The following ITGA9 variants were observed in gnomAD, a reference collection of about 807,000 sequenced individuals.
ITGA9 encodes the protein integrin alpha-9.
A neutral mutation model predicts 127.8 loss-of-function variants in ITGA9; 56 were observed. The observed-to-expected ratio is 0.44, with a 90% CI of 0.35 to 0.55. The LOEUF (loss-of-function observed/expected upper bound fraction) is 0.55, where lower values mean the gene tolerates loss of function less well. Among genes scored for constraint, ITGA9 ranks in the 20% least tolerant of loss-of-function variants. The pLI is 0.00. For missense variants in ITGA9, 1,196 were observed against 1,347.1 expected (o/e 0.89, Z 1.76); for synonymous variants, 508 against 514.5 (o/e 0.99, Z 0.17).
intron 15 of ITGA9, among the ~76,000 whole-genome samples, chr3:37,553,136 ATTTTCTATCT>A (rs1164010317): frequency 1.3e-5 from 2 of 152,106 alleles, no homozygotes; most frequent in African/African-American, 4.8e-5. Context: ...TTGCTTTGTA[ATTTTCTATCT>A]ATTCGTACTT....
Position 37,668,298 on chromosome 3 carries a change from C to T in ITGA9, c.1916+14508C>T, listed in dbSNP as rs569427398. On this transcript the variant is annotated intron_variant, in intron 17 of 27. Coordinates refer to ENST00000264741, the MANE Select transcript of ITGA9 (RefSeq NM_002207.3). ...ATAGCGGCCTTCCTCCTGAGACACC[C>T]GGGAAGGCTGAGTCTACCTCACAGG... is the stretch of plus-strand genomic sequence containing the variant. Among the ~76,000 whole-genome samples, 29 of 152,290 alleles carry T rather than the reference C, an allele frequency of 1.9e-4. No individual in the cohort carries two copies. In the South Asian group the frequency reaches 2.3e-3, roughly 12 times the overall value.
intron 18 of ITGA9, among the ~76,000 whole-genome samples, chr3:37,697,817 C>T (rs535544326): frequency 5.3e-5 from 8 of 152,268 alleles, no homozygotes; most frequent in African/African-American, 1.7e-4. Flanking sequence ...TTCTTTATAG[C>T]AGCATGATTT....
At chr3:37,538,650 G>C (rs1345304837) in intron 14 of ITGA9, among the ~76,000 whole-genome samples, 1 of 152,206 alleles carries the variant, frequency 6.6e-6, no homozygotes, top group Non-Finnish European at 1.5e-5. Context: ...CTGCTTCCCA[G>C]ACATGTCCTC....
At chr3:37,779,578 T>C (rs1286996605) in intron 24 of ITGA9, among the ~76,000 whole-genome samples, 1 of 152,186 alleles carries the variant, frequency 6.6e-6, no homozygotes, top group Non-Finnish European at 1.5e-5. Context: ...TAAGAATGCT[T>C]TCAGAATGCA....
intron 17 of ITGA9, among the ~76,000 whole-genome samples, chr3:37,671,727 C>T (rs577833826): frequency 2.0e-5 from 3 of 152,218 alleles, no homozygotes; most frequent in South Asian, 2.1e-4. Flanking sequence ...AGGTGCGTTA[C>T]AGGGGTGCAC....
chr3:37,811,982 C>T (rs1697373882), intron 27 of ITGA9, among the ~76,000 whole-genome samples: 1 of 152,228 alleles, frequency 6.6e-6, no homozygotes, highest in Admixed American at 6.5e-5. Flanking sequence ...GAAAACAAAT[C>T]TGTGAAATGG....
At chr3:37,613,192 A>C (rs1294264005) in intron 15 of ITGA9, among the ~76,000 whole-genome samples, 6 of 149,518 alleles carry the variant, frequency 4.0e-5, no homozygotes, top group East Asian at 2.0e-4. Context: ...CAATTCCCAC[A>C]TATGAGTGAG....
chr3:37,553,611 GT>G (rs2125595922), intron 15 of ITGA9, among the ~76,000 whole-genome samples: 1 of 152,356 alleles, frequency 6.6e-6, no homozygotes, highest in Non-Finnish European at 1.5e-5. Flanking sequence ...GTTTTCCAAA[GT>G]TAGTTGCCAT....
chr3:37,492,022 C>G (rs1335062102), intron 4 of ITGA9, among the ~76,000 whole-genome samples: 1 of 152,208 alleles, frequency 6.6e-6, no homozygotes, highest in Non-Finnish European at 1.5e-5. Flanking sequence ...CACCCACTAA[C>G]TTTCCTAGAC....
At chr3:37,741,445 C>T (rs554682978) in intron 20 of ITGA9, among the ~76,000 whole-genome samples, 44 of 152,336 alleles carry the variant, frequency 2.9e-4, no homozygotes, top group Middle Eastern at 3.4e-3. Context: ...CCTTTATTGT[C>T]TCCTTTCCTT....
chr3:37,683,963 A>G lies in ITGA9; in HGVS notation c.2015A>G (p.Asn672Ser), dbSNP rs574855398. 10 of 1,614,068 alleles carry G rather than the reference A, an allele frequency of 6.2e-6. No individual in the cohort carries two copies. The highest frequency in any genetic ancestry group is 4.5e-5 in the East Asian group (2 of 44,882). ...CTCGGAGATGATGCCTATGATGCCAACGTGTCCTTCAATGTTTCCCGGGAG... is the reference window on the plus strand; with the variant it reads ...CTCGGAGATGATGCCTATGATGCCAGCGTGTCCTTCAATGTTTCCCGGGAG... The part of the protein sequence containing the change: ...SNLGDDAYDA[N>S]VSFNVSRELF... Residue 672 changes from asparagine (N) to serine (S), a missense_variant, in exon 18 of 28, where the codon AAC becomes AGC. Asn to Ser is a conservative substitution (Grantham distance 46). Coordinates refer to ENST00000264741, the MANE Select transcript of ITGA9 (RefSeq NM_002207.3).
chr3:37,617,033 A>C (rs1341601637), intron 15 of ITGA9, among the ~76,000 whole-genome samples: 1 of 152,216 alleles, frequency 6.6e-6, no homozygotes, highest in Non-Finnish European at 1.5e-5. Context: ...TTTGCTCATT[A>C]GTTGATGCAG....
chr3:37,759,100 C>CACAT (rs1491449724), intron 23 of ITGA9, among the ~76,000 whole-genome samples: 4 of 150,102 alleles, frequency 2.7e-5, no homozygotes, highest in East Asian at 3.9e-4. Flanking sequence ...CACACACACA[C>CACAT]ATATACCCAC....
chr3:37,546,191 C>T lies in ITGA9; in HGVS notation c.1689+3606C>T, dbSNP rs140920509. Among the ~76,000 whole-genome samples, 649 of 152,238 alleles carry T rather than the reference C, an allele frequency of 4.3e-3. 7 individuals carry two copies. Among genetic ancestry groups the T allele is most frequent in the African/African-American group, 0.015 (622 of 41,532 alleles). ...TGTAAAAATAAATATATTGAAGACA[C>T]AACAGTGTCCTAGAATTCTAGCTGG... On this transcript the variant is annotated intron_variant, in intron 15 of 27. Coordinates refer to ENST00000264741, the MANE Select transcript of ITGA9 (RefSeq NM_002207.3).
At chr3:37,496,606 A>T (rs1321009700) in intron 5 of ITGA9, among the ~76,000 whole-genome samples, 2 of 152,238 alleles carry the variant, frequency 1.3e-5, no homozygotes. Flanking sequence ...TGTAGCAGCC[A>T]GAACCACCTT....
intron 15 of ITGA9, among the ~76,000 whole-genome samples, chr3:37,557,460 C>T (rs910190846): frequency 1.3e-5 from 2 of 152,180 alleles, no homozygotes; most frequent in Non-Finnish European, 2.9e-5. Context: ...AGCAGCCATC[C>T]ATAGGTAGCC....
chr3:37,809,128 C>G (rs561044827), intron 27 of ITGA9, among the ~76,000 whole-genome samples: 9 of 147,728 alleles, frequency 6.1e-5, no homozygotes, highest in Non-Finnish European at 8.9e-5. Context: ...CTCTGTCACT[C>G]AGGCTGGAGT....
In ITGA9 at chr3:37,463,824, G is replaced by A. The variant is rs145402892; in HGVS notation, c.186-7183G>A. Among the ~76,000 whole-genome samples, 96 of 152,176 alleles carry A rather than the reference G, an allele frequency of 6.3e-4. 1 individual carries two copies. Among genetic ancestry groups the A allele is most frequent in the East Asian group, 3.1e-3 (16 of 5,180 alleles). ...CAGTCTGAATAAATTCCTGCCCAGC[G>A]CACCAGAAAAGGGAACAAGGTTCTA... On this transcript the variant is annotated intron_variant, in intron 1 of 27. Transcript: ENST00000264741.
At chr3:37,818,033 A>G (rs1304566755) in intron 27 of ITGA9, among the ~76,000 whole-genome samples, 2 of 151,998 alleles carry the variant, frequency 1.3e-5, no homozygotes, top group African/African-American at 4.8e-5. Context: ...ACGTGAGAGC[A>G]GTATTTATTA....
Sources: gnomAD v4.1 joint callset for allele counts (sites outside exome capture counted in the v4.1 genomes callset) on GRCh38, gnomAD v4.1.1 for gene constraint, MANE v1.5 for transcripts, NCBI Gene and HGNC (gene_info 2026-07-23, HGNC 2026-07-21) for gene names.